Variants in PEX26 observed in about 807,000 individuals in gnomAD.
The protein encoded by PEX26 is peroxisomal biogenesis factor 26.
PEX26 carries 18 observed loss-of-function variants against 31.4 expected under a neutral mutation model. The ratio of observed to expected loss-of-function variants is 0.57; its 90% confidence interval spans 0.40 to 0.85. PEX26 has a LOEUF of 0.85. PEX26 is among the 40% of genes least tolerant of loss of function. The pLI, the probability that PEX26 is intolerant of heterozygous loss-of-function variation, is 0.00. For missense variants in PEX26, 377 were observed against 383.9 expected, an observed-to-expected ratio of 0.98 and a Z score of 0.15; for synonymous variants, 176 against 166.9, an observed-to-expected ratio of 1.05 and a Z score of -0.42.
chr22:18,083,846 C>T, intron 3 of PEX26, 114 bp downstream of exon 3: 3 of 958,956 alleles, frequency 3.1e-6, no homozygotes, highest in Non-Finnish European at 3.2e-6. Context: ...GTATGAATAA[C>T]TCTTGAGTCA....
rs1056437620 is a variant in PEX26 at position 18,095,608 on chromosome 22, C to G, written c.*7533C>G. ...CTGTCCTGTTCCTGGATTTCATGGTCTCCATGGTGACAAGTGCTTGTTTTC... is the reference window on the plus strand; with the variant it reads ...CTGTCCTGTTCCTGGATTTCATGGTGTCCATGGTGACAAGTGCTTGTTTTC... On this transcript the variant is annotated 3_prime_UTR_variant, in exon 5 of 5. Transcript: ENST00000399744. 4 of 152,056 alleles carry G rather than the reference C, an allele frequency of 2.6e-5. No homozygotes were observed. Among genetic ancestry groups the G allele is most frequent in the Admixed American group, 2.6e-4 (4 of 15,266 alleles). 9.4% of individuals were successfully genotyped at this position (152,056 alleles called of 1,614,324 possible). A position where few individuals can be genotyped will look rare whatever the true frequency, so the allele number is the denominator to read the frequency against.
In PEX26 at chr22:18,100,271, C is replaced by T. The variant is rs544478999; in HGVS notation, c.*12196C>T. Reference sequence around the variant, plus strand: ...TATATTTTTAGTAGAGGCAGGGTTTCGCTGTGTTGGCCAGACTGGTCTCAA... The same window carrying T: ...TATATTTTTAGTAGAGGCAGGGTTTTGCTGTGTTGGCCAGACTGGTCTCAA... On this transcript the variant is annotated 3_prime_UTR_variant, in exon 5 of 5. Transcript: ENST00000399744. 3.9e-4 allele frequency: 59 copies of T among 152,148 alleles called. 1 individual carries two copies. The highest frequency in any genetic ancestry group is 1.3e-3 in the African/African-American group (52 of 41,510). The allele number at this position is 152,148 out of a possible 1,614,324, so 9.4% of individuals were successfully genotyped here.
Position 18,083,769 on chromosome 22 carries a change from A to G in PEX26, c.667+37A>G. On this transcript the variant is annotated intron_variant, in intron 3 of 4. Transcript: ENST00000399744. The stretch of plus-strand genomic sequence containing the variant: ...TCCCTCTGCGACCTCTGTAAAGTGG[A>G]CTTGCGGGCTTGCACTGTACCTCGG... The G allele has an allele frequency of 3.1e-6, 5 of 1,603,806 alleles. No homozygotes were observed. In the South Asian group the frequency reaches 5.5e-5, roughly 18 times the overall value.
Position 18,101,117 on chromosome 22 carries a change from C to A in PEX26, c.*13042C>A, listed in dbSNP as rs1487315770. 1 of 152,092 alleles carries A rather than the reference C, an allele frequency of 6.6e-6. No individual in the cohort carries two copies. The highest frequency in any genetic ancestry group is 1.5e-5 in the Non-Finnish European group (1 of 68,024). The allele number at this position is 152,092 out of a possible 1,614,324, so 9.4% of individuals were successfully genotyped here. On this transcript the variant is annotated 3_prime_UTR_variant, in exon 5 of 5. Transcript: ENST00000399744. ...GGGTTCATCTATAAAAGTATTTTTCCAAAAATAATGCTTAAAAGAGACTTC... is the reference window on the plus strand; with the variant it reads ...GGGTTCATCTATAAAAGTATTTTTCAAAAAATAATGCTTAAAAGAGACTTC...
Position 18,090,194 on chromosome 22 carries a change from T to C in PEX26, c.*2119T>C, listed in dbSNP as rs1927032410. On this transcript the variant is annotated 3_prime_UTR_variant, in exon 5 of 5. Coordinates refer to ENST00000399744, the MANE Select transcript of PEX26 (RefSeq NM_001127649.3). The stretch of plus-strand genomic sequence containing the variant: ...GAGATTCCTTCTATAGAATGATTTC[T>C]TAAAATGAAAATCTGGGCCCACTTA... 6.6e-6 allele frequency: 1 copy of C among 152,182 alleles called. No individual in the cohort carries two copies. The highest frequency in any genetic ancestry group is 1.5e-5 in the Non-Finnish European group (1 of 68,038). The allele number at this position is 152,182 out of a possible 1,614,324, so 9.4% of individuals were successfully genotyped here. A position where few individuals can be genotyped will look rare whatever the true frequency, so the allele number is the denominator to read the frequency against.
At position 18,101,082 on chromosome 22, in the gene PEX26, G is replaced by A. The variant is rs1470508679; in HGVS notation, c.*13007G>A. ...GAATTCTCAACATCATATCCACTAG[G>A]TTAGGCTGAGGGTTCATCTATAAAA... On this transcript the variant is annotated 3_prime_UTR_variant, in exon 5 of 5. Transcript: ENST00000399744. The A allele has an allele frequency of 2.0e-5, 3 of 152,136 alleles. No individual in the cohort carries two copies. The highest frequency in any genetic ancestry group is 4.4e-5 in the Non-Finnish European group (3 of 68,032). 9.4% of individuals were successfully genotyped at this position (152,136 alleles called of 1,614,324 possible).
In PEX26 at chr22:18,085,322, G is replaced by A. The variant is rs1005201521; in HGVS notation, c.814+64G>A. On this transcript the variant is annotated intron_variant, in intron 4 of 4. Transcript: ENST00000399744. ...GGGTTGTTGCCAGGGCTGGGCCTGT[G>A]GGAGTGGGTGTTTGTCAGAGTCCTA... 1.9e-6 allele frequency: 3 copies of A among 1,549,986 alleles called. No individual in the cohort carries two copies. In the African/African-American group the frequency reaches 4.1e-5, roughly 21 times the overall value.
chr22:18,079,962 C>T lies in PEX26; in HGVS notation c.319C>T (p.Leu107Phe), dbSNP rs1231063513. ...DRWQEVLSWV[L>F]QYYQVPEKLP... is the part of the protein sequence containing the mutation. ...GTGGCAAGAAGTCCTCTCCTGGGTC[C>T]TTCAGTATTACCAGGTCCCTGAAAA... is the stretch of plus-strand genomic sequence containing the variant. Residue 107 changes from leucine to phenylalanine, a missense_variant, in exon 2 of 5, where the codon CTT becomes TTT. Leu to Phe is a conservative substitution (Grantham distance 22). Coordinates refer to ENST00000399744, the MANE Select transcript of PEX26 (RefSeq NM_001127649.3). 6.2e-7 allele frequency: 1 copy of T among 1,614,008 alleles called. No homozygotes were observed. The highest frequency in any genetic ancestry group is 1.3e-5 in the African/African-American group (1 of 74,916).
rs770555305 is a variant in PEX26, at chr22:18,078,453, G to C, written c.77G>C (p.Arg26Pro). ...CCCCTGCGCAGCAGCGAGCCGGTGC[G>C]CGCGGTCCCGGCCCGGGCGCCGGCC... ...GGPLRSSEPV[R>P]AVPARAPAVD... The change falls in exon 1 of 5, where the codon CGC becomes CCC. Residue 26 changes from arginine (R) to proline (P), a missense_variant. Coordinates refer to ENST00000399744, the MANE Select transcript of PEX26 (RefSeq NM_001127649.3). 1.3e-6 allele frequency: 2 copies of C among 1,577,652 alleles called. No individual in the cohort carries two copies. Among genetic ancestry groups the C allele is most frequent in the Non-Finnish European group, 1.7e-6 (2 of 1,164,446 alleles).
Position 18,078,046 on chromosome 22 carries a change from A to G in PEX26, c.-331A>G. ...TGTCCGCGCCCGCTGCCGGGAGGCG[A>G]GGTGAGTCTTTGATCGTAACCAGGA... On this transcript the variant is annotated 5_prime_UTR_variant, in exon 1 of 5. Coordinates refer to ENST00000399744, the MANE Select transcript of PEX26 (RefSeq NM_001127649.3). The G allele has an allele frequency of 2.0e-6, 1 of 511,022 alleles. No homozygotes were observed. The highest frequency in any genetic ancestry group is 3.8e-6 in the Non-Finnish European group (1 of 264,770). 31.7% of individuals were successfully genotyped at this position (511,022 alleles called of 1,614,324 possible). A position where few individuals can be genotyped will look rare whatever the true frequency, so the allele number is the denominator to read the frequency against.
Position 18,104,186 on chromosome 22 carries a change from G to A in PEX26, c.*16111G>A, listed in dbSNP as rs992701994. ...ATGACCGACGGCTTCATCTTTCCTAGTCTATCCCACACAGACCTTTAGGTG... is the reference window on the plus strand; with the variant it reads ...ATGACCGACGGCTTCATCTTTCCTAATCTATCCCACACAGACCTTTAGGTG... On this transcript the variant is annotated 3_prime_UTR_variant, in exon 5 of 5. Transcript: ENST00000399744. The A allele has an allele frequency of 6.6e-6, 1 of 152,086 alleles. No homozygotes were observed. Among genetic ancestry groups the A allele is most frequent in the Non-Finnish European group, 1.5e-5 (1 of 68,036 alleles). The allele number at this position is 152,086 out of a possible 1,614,324, so 9.4% of individuals were successfully genotyped here.
At position 18,098,980 on chromosome 22, in the gene PEX26, C is replaced by T. The variant is rs1448691282; in HGVS notation, c.*10905C>T. 2.6e-5 allele frequency: 4 copies of T among 152,224 alleles called. No individual in the cohort carries two copies. The East Asian group carries it at 7.7e-4, about 29-fold the overall frequency. 9.4% of individuals were successfully genotyped at this position (152,224 alleles called of 1,614,324 possible). A position where few individuals can be genotyped will look rare whatever the true frequency, so the allele number is the denominator to read the frequency against. The stretch of plus-strand genomic sequence containing the variant: ...ATTACATAGGCAACCACAAATCAAC[C>T]CTTTCTCTGGGCTATCTAAAATAAT... On this transcript the variant is annotated 3_prime_UTR_variant, in exon 5 of 5. Coordinates refer to ENST00000399744, the MANE Select transcript of PEX26 (RefSeq NM_001127649.3).
chr22:18,078,786 C>A (rs1926420963), intron 1 of PEX26, 180 bp downstream of exon 1: 6 of 722,332 alleles, frequency 8.3e-6, no homozygotes, highest in African/African-American at 3.5e-5. Context: ...GAAGGGAAGT[C>A]GTGTAACAAA....
At position 18,079,886 on chromosome 22, in the gene PEX26, G is replaced by T. The variant is rs772417180; in HGVS notation, c.243G>T (p.Val81=). 5 of 1,614,066 alleles carry T rather than the reference G, an allele frequency of 3.1e-6. No individual in the cohort carries two copies. Among genetic ancestry groups the T allele is most frequent in the Non-Finnish European group, 4.2e-6 (5 of 1,180,028 alleles). ...AEEPAGTSLE[V]KCSLCVVGIQ... is the part of the protein sequence containing the mutation. ...TTTCTGCTGACAGCTCATTGGAGGT[G>T]AAGTGCTCCCTGTGTGTTGTGGGGA... Residue 81 remains valine, a synonymous_variant, in exon 2 of 5, where the codon GTG becomes GTT. Transcript: ENST00000399744.
Position 18,102,742 on chromosome 22 carries a change from C to T in PEX26, c.*14667C>T, listed in dbSNP as rs890622233. 6.6e-6 allele frequency: 1 copy of T among 152,144 alleles called. No individual in the cohort carries two copies. Among genetic ancestry groups the T allele is most frequent in the African/African-American group, 2.4e-5 (1 of 41,426 alleles). 9.4% of individuals were successfully genotyped at this position (152,144 alleles called of 1,614,324 possible). ...ATGTGCTAAATCCAGCAATCCGCTC[C>T]AGTAGGTGTCCTTCAGGATACTTTT... On this transcript the variant is annotated 3_prime_UTR_variant, in exon 5 of 5. Transcript: ENST00000399744.
At position 18,088,007 on chromosome 22, in the gene PEX26, G is replaced by C; in HGVS notation, c.850G>C (p.Ala284Pro). ...CTCCCTGCACTTCCTCTACAAGCTG[G>C]CCCAGCTCTTCCGCTGGATCCGGAA... ...PSSLHFLYKLAQLFRWIRKAA... is the reference protein window; with the variant it reads ...PSSLHFLYKLPQLFRWIRKAA... Residue 284 changes from alanine (A) to proline (P), a missense_variant, in exon 5 of 5, where the codon GCC (alanine) becomes CCC (proline). Transcript: ENST00000399744. The surrounding 1 kb of genome is among the most constrained non-coding windows in gnomAD (Gnocchi z 4.1). The C allele has an allele frequency of 6.2e-7, 1 of 1,613,632 alleles. No homozygotes were observed. The highest frequency in any genetic ancestry group is 2.2e-5 in the East Asian group (1 of 44,876).
At chr22:18,086,443 C>T (rs1438523725) in intron 4 of PEX26, among the ~76,000 whole-genome samples, 1 of 152,226 alleles carries the variant, frequency 6.6e-6, no homozygotes, top group African/African-American at 2.4e-5. Flanking sequence ...CAAGCATGGC[C>T]TTAAATCGCT....
In PEX26 at chr22:18,094,821, C is replaced by T. The variant is rs1401490087; in HGVS notation, c.*6746C>T. ...TTGAGATGGAATCTTGCTCTTGTCACCTAGGCTGGAGTGCAGTGGTGCGAT... is the reference window on the plus strand; with the variant it reads ...TTGAGATGGAATCTTGCTCTTGTCATCTAGGCTGGAGTGCAGTGGTGCGAT... On this transcript the variant is annotated 3_prime_UTR_variant, in exon 5 of 5. Transcript: ENST00000399744. 3 of 149,236 alleles carry T rather than the reference C, an allele frequency of 2.0e-5. No individual in the cohort carries two copies. The highest frequency in any genetic ancestry group is 4.4e-5 in the Non-Finnish European group (3 of 67,620). The allele number at this position is 149,236 out of a possible 1,614,324, so 9.2% of individuals were successfully genotyped here. A position where few individuals can be genotyped will look rare whatever the true frequency, so the allele number is the denominator to read the frequency against.
At chr22:18,083,177 T>C (rs1926687156) in intron 2 of PEX26, among the ~76,000 whole-genome samples, 1 of 152,200 alleles carries the variant, frequency 6.6e-6, no homozygotes, top group African/African-American at 2.4e-5. Context: ...CAGTACTATG[T>C]TGAATAAAAA....
Sources: allele counts gnomAD v4.1 joint callset (sites outside exome capture counted in the v4.1 genomes callset), GRCh38; gene constraint gnomAD v4.1.1; non-coding constraint Gnocchi (gnomAD v3.1); transcripts MANE v1.5; gene names NCBI Gene and HGNC (gene_info 2026-07-23, HGNC 2026-07-21).